Variants in RPAP3 observed in about 807,000 individuals in gnomAD.
The protein encoded by RPAP3 is RNA polymerase II associated protein 3.
RPAP3 carries 58 observed loss-of-function variants against 88.8 expected under a neutral mutation model. The observed-to-expected ratio is 0.65, with a 90% CI of 0.53 to 0.81. The LOEUF (loss-of-function observed/expected upper bound fraction) is 0.81, where lower values mean the gene tolerates loss of function less well. Ranked by LOEUF, RPAP3 falls within the 40% of genes least tolerant of loss-of-function variation. The pLI is 0.00. For missense variants in RPAP3, 751 were observed against 764.3 expected, an observed-to-expected ratio of 0.98 and a Z score of 0.20; for synonymous variants, 255 against 259.9, an observed-to-expected ratio of 0.98 and a Z score of 0.18.
chr12:47,682,553 A>G (rs745988191), intron 9 of RPAP3, among the ~76,000 whole-genome samples: 1 of 152,188 alleles, frequency 6.6e-6, no homozygotes, highest in African/African-American at 2.4e-5. Context: ...TTGCTTTACA[A>G]TAATTCGGGG....
At chr12:47,669,389 C>A (rs1367156289) in intron 13 of RPAP3, among the ~76,000 whole-genome samples, 1 of 152,042 alleles carries the variant, frequency 6.6e-6, no homozygotes, top group Non-Finnish European at 1.5e-5. Context: ...TTTCAATTAC[C>A]ATGTCACATA....
Position 47,662,635 on chromosome 12 carries a change from AT to A in RPAP3, c.*869del, listed in dbSNP as rs1170410272. The A allele has an allele frequency of 6.6e-6, 1 of 152,212 alleles. No homozygotes were observed. Among genetic ancestry groups the A allele is most frequent in the Admixed American group, 6.5e-5 (1 of 15,278 alleles). The allele number at this position is 152,212 out of a possible 1,614,324, so 9.4% of individuals were successfully genotyped here. A position where few individuals can be genotyped will look rare whatever the true frequency, so the allele number is the denominator to read the frequency against. ...AATTTGCTAGGCTGCTACTTTAAAC[AT>A]TTACTTAATATGATTCTTGCGTCAA... On this transcript the variant is annotated 3_prime_UTR_variant, in exon 17 of 17. Coordinates refer to ENST00000005386, the MANE Select transcript of RPAP3 (RefSeq NM_024604.3).
In RPAP3 at chr12:47,661,639, G is replaced by C. The variant is rs146734021; in HGVS notation, c.*1866C>G. 6.6e-6 allele frequency: 1 copy of C among 152,260 alleles called. No homozygotes were observed. The highest frequency in any genetic ancestry group is 2.4e-5 in the African/African-American group (1 of 41,548). The allele number at this position is 152,260 out of a possible 1,614,324, so 9.4% of individuals were successfully genotyped here. Reference sequence around the variant, plus strand: ...AATTTTTTAAAATTCAAATTCTATAGTAAATCTTGTGATCTGTACTTCTTC... The same window carrying C: ...AATTTTTTAAAATTCAAATTCTATACTAAATCTTGTGATCTGTACTTCTTC... On this transcript the variant is annotated 3_prime_UTR_variant, in exon 17 of 17. Transcript: ENST00000005386.
chr12:47,666,903 T>C (rs1378393259), intron 16 of RPAP3, 77 bp downstream of exon 16: 13 of 603,948 alleles, frequency 2.2e-5, no homozygotes, highest in Non-Finnish European at 3.4e-5. Flanking sequence ...AAGTAGTCAA[T>C]AAATGTCAGC....
intron 9 of RPAP3, among the ~76,000 whole-genome samples, chr12:47,684,137 C>T (rs1413279003): frequency 6.6e-6 from 1 of 152,296 alleles, no homozygotes; most frequent in East Asian, 1.9e-4. Flanking sequence ...ATTTCTTCAG[C>T]CTTTCTGAAG....
chr12:47,687,725 G>T, intron 8 of RPAP3, 151 bp downstream of exon 8: 1 of 706,576 alleles, frequency 1.4e-6, no homozygotes, highest in Non-Finnish European at 2.1e-6. Flanking sequence ...TTTTGAATTA[G>T]TAGGTCCCAG....
In RPAP3 at chr12:47,679,614, C is replaced by T. The variant is rs773126049; in HGVS notation, c.1186-20G>A. 1 of 1,543,102 alleles carries T rather than the reference C, an allele frequency of 6.5e-7. No homozygotes were observed. The highest frequency in any genetic ancestry group is 2.3e-5 in the East Asian group (1 of 43,572). ...TAATTCCTTGAAAATAAATTTATAA[C>T]CCTAACTTTCAAAATATTTATTATA... On this transcript the variant is annotated intron_variant, in intron 11 of 16. Transcript: ENST00000005386.
Position 47,686,820 on chromosome 12 carries a change from G to A in RPAP3, c.952C>T (p.Leu318Phe), listed in dbSNP as rs751868721. The A allele has an allele frequency of 1.2e-6, 2 of 1,604,952 alleles. No individual in the cohort carries two copies. The highest frequency in any genetic ancestry group is 8.5e-7 in the Non-Finnish European group (1 of 1,176,476). Residue 318 changes from leucine to phenylalanine, a missense_variant, in exon 9 of 17, where the codon CTT (leucine) becomes TTT (phenylalanine). Physicochemically the swap from Leu to Phe is conservative, Grantham distance 22. Transcript: ENST00000005386. ...GIAADGANAL[L>F]PANRAMAYLK... ...TAGGCCATAGCTCTGTTAGCTGGAA[G>A]AAGGGCATTAGCACCATCTGCTGCT...
chr12:47,690,777 T>C (rs566786604), intron 5 of RPAP3, 138 bp from the exon 6 acceptor site: 5 of 486,020 alleles, frequency 1.0e-5, no homozygotes, highest in Non-Finnish European at 1.8e-5. Context: ...TGCTTTCAGT[T>C]AATTAAGCAT....
At chr12:47,675,782 A>T (rs1207649558) in intron 12 of RPAP3, among the ~76,000 whole-genome samples, 1 of 152,220 alleles carries the variant, frequency 6.6e-6, no homozygotes, top group Non-Finnish European at 1.5e-5. Flanking sequence ...TTAGACTCCC[A>T]AACAATAATA....
intron 3 of RPAP3, among the ~76,000 whole-genome samples, chr12:47,700,323 G>A (rs998293860): frequency 6.6e-6 from 1 of 152,164 alleles, no homozygotes; most frequent in Non-Finnish European, 1.5e-5. Context: ...AAGAACATGG[G>A]ATTAGAAAGG....
At chr12:47,672,140 C>T (rs1318908490) in intron 12 of RPAP3, among the ~76,000 whole-genome samples, 5 of 152,098 alleles carry the variant, frequency 3.3e-5, no homozygotes, top group Non-Finnish European at 7.4e-5. Context: ...ACAAAAGGAT[C>T]AGGAAAACTT....
intron 5 of RPAP3, among the ~76,000 whole-genome samples, chr12:47,693,684 G>T (rs2136637557): frequency 6.6e-6 from 1 of 152,228 alleles, no homozygotes; most frequent in Non-Finnish European, 1.5e-5. Context: ...TTACATACAG[G>T]TCTTTACCAA....
In RPAP3 at chr12:47,669,050, G is replaced by A. The variant is rs1251710998; in HGVS notation, c.1579C>T (p.Pro527Ser). The stretch of plus-strand genomic sequence containing the variant: ...GCAGGTTTTTGTTCTATCTCTATGG[G>A]CATTTTCTCGCTGTAAGACTGACAT... ...DVCQSYSEKM[P>S]IEIEQKPAQF... Residue 527 changes from proline (P) to serine (S), a missense_variant, in exon 14 of 17, where the codon CCC (proline) becomes TCC (serine). Transcript: ENST00000005386. 1 of 1,613,838 alleles carries A rather than the reference G, an allele frequency of 6.2e-7. No homozygotes were observed. The highest frequency in any genetic ancestry group is 2.2e-5 in the East Asian group (1 of 44,852).
chr12:47,681,882 TAA>T, intron 9 of RPAP3, 65 bp from the exon 10 acceptor site: 1 of 1,437,816 alleles, frequency 7.0e-7, no homozygotes, highest in Non-Finnish European at 9.3e-7. Context: ...TCATATAAAC[TAA>T]GTTTCTAATT....
Position 47,667,024 on chromosome 12 carries a change from C to A in RPAP3, c.1868G>T (p.Arg623Met), listed in dbSNP as rs1166330893. 2 of 1,535,190 alleles carry A rather than the reference C, an allele frequency of 1.3e-6. No homozygotes were observed. Among genetic ancestry groups the A allele is most frequent in the Non-Finnish European group, 8.7e-7 (1 of 1,149,496 alleles). The change falls in exon 16 of 17, where the codon AGG (arginine) becomes ATG (methionine). Residue 623 changes from arginine to methionine, a missense_variant. Coordinates refer to ENST00000005386, the MANE Select transcript of RPAP3 (RefSeq NM_024604.3). Reference sequence around the variant, plus strand: ...CATAAACATCACTGCCATATCAAACCTTTTTAGTTCAGAAAGTCTTTGTAA... The same window carrying A: ...CATAAACATCACTGCCATATCAAACATTTTTAGTTCAGAAAGTCTTTGTAA... ...EILQRLSELK[R>M]FDMAVMFMSE...
chr12:47,682,210 T>A (rs1939235154), intron 9 of RPAP3, among the ~76,000 whole-genome samples: 2 of 152,198 alleles, frequency 1.3e-5, no homozygotes, highest in South Asian at 4.1e-4. Context: ...TTACCCACAG[T>A]AAACCTCCCA....
intron 12 of RPAP3, among the ~76,000 whole-genome samples, chr12:47,679,140 A>G (rs1258389024): frequency 1.3e-5 from 2 of 152,218 alleles, no homozygotes; most frequent in African/African-American, 4.8e-5. Flanking sequence ...TCAGCAAACT[A>G]TCACAAGACA....
chr12:47,665,037 C>T (rs553943204), intron 16 of RPAP3, among the ~76,000 whole-genome samples: 7 of 150,830 alleles, frequency 4.6e-5, no homozygotes, highest in African/African-American at 9.7e-5. Flanking sequence ...AGATATTCTA[C>T]GTTGAGAGAA....
Sources: allele counts gnomAD v4.1 joint callset (sites outside exome capture counted in the v4.1 genomes callset), GRCh38; gene constraint gnomAD v4.1.1; transcripts MANE v1.5; gene names NCBI Gene and HGNC (gene_info 2026-07-23, HGNC 2026-07-21).